SRFBP1: variants seen among roughly 807,000 people sequenced by gnomAD.
SRFBP1 encodes the protein serum response factor binding protein 1, also known as serum response factor-binding protein 1.
SRFBP1 carries 47 observed loss-of-function variants against 45.5 expected under a neutral mutation model. That is an observed-to-expected ratio of 1.03 (90% CI 0.82 to 1.32). The LOEUF is 1.32. Ranked by LOEUF, SRFBP1 falls within the 40% of genes most tolerant of loss-of-function variation. The pLI, the probability that SRFBP1 is intolerant of heterozygous loss-of-function variation, is 0.00. For synonymous variants in SRFBP1, 203 were observed against 166.3 expected, an observed-to-expected ratio of 1.22 and a Z score of -1.70; for missense variants, 621 against 484.6, an observed-to-expected ratio of 1.28 and a Z score of -2.64.
chr5:122,078,461 AG>A (rs1754707792), downstream of SRFBP1: 1 of 154,040 alleles, frequency 6.5e-6, no homozygotes. Context: ...GGGAGCGTTA[AG>A]GGGAAAGAAC....
chr5:121,965,620 G>C (rs978681753), intron 1 of SRFBP1, among the ~76,000 whole-genome samples: 1 of 152,174 alleles, frequency 6.6e-6, no homozygotes, highest in Admixed American at 6.5e-5. Context: ...AAGTCAGGTA[G>C]CATGATGCCT....
chr5:122,007,540 G>A lies in SRFBP1; in HGVS notation c.271-11720G>A, dbSNP rs954365026. Reference sequence around the variant, plus strand: ...GCCTCGGTCTGTTGGTGCCAGCCTAGAAGCTGGTGTGCAAGTGCTGTTTTA... The same window carrying A: ...GCCTCGGTCTGTTGGTGCCAGCCTAAAAGCTGGTGTGCAAGTGCTGTTTTA... On this transcript the variant is annotated intron_variant, in intron 4 of 7. Coordinates refer to ENST00000339397, the MANE Select transcript of SRFBP1 (RefSeq NM_152546.3). Among the ~76,000 whole-genome samples, 25 of 152,074 alleles carry A rather than the reference G, an allele frequency of 1.6e-4. No homozygotes were observed. In the East Asian group the frequency reaches 4.8e-3, roughly 29 times the overall value.
Position 121,974,293 on chromosome 5 carries a change from T to G in SRFBP1, c.125+9T>G, listed in dbSNP as rs1303093157. On this transcript the variant is annotated intron_variant, in intron 2 of 7. Coordinates refer to ENST00000339397, the MANE Select transcript of SRFBP1 (RefSeq NM_152546.3). ...CGACTGAAGTCAAAAAAGTTAGTCA[T>G]TTAAAGTAATGATCTTGTGACTAAT... 1 of 1,592,952 alleles carries G rather than the reference T, an allele frequency of 6.3e-7. No individual in the cohort carries two copies.
chr5:122,009,618 C>T (rs758468765), intron 4 of SRFBP1, among the ~76,000 whole-genome samples: 4 of 152,044 alleles, frequency 2.6e-5, no homozygotes, highest in East Asian at 1.9e-4. Context: ...GTAAGTTTTC[C>T]GAGTAGGGTG....
chr5:122,015,818 A>G (rs958755864), intron 4 of SRFBP1, among the ~76,000 whole-genome samples: 1 of 152,166 alleles, frequency 6.6e-6, no homozygotes, highest in East Asian at 1.9e-4. Context: ...TATGTACTGT[A>G]TTAGCTTTTT....
intron 1 of SRFBP1, among the ~76,000 whole-genome samples, chr5:121,967,342 G>T (rs185073913): frequency 2.0e-5 from 3 of 152,088 alleles, no homozygotes; most frequent in Admixed American, 2.0e-4. Flanking sequence ...GGGCATTTCC[G>T]TAAGAACCAA....
chr5:122,025,517 G>C (rs1753462104), intron 7 of SRFBP1, among the ~76,000 whole-genome samples: 1 of 152,102 alleles, frequency 6.6e-6, no homozygotes, highest in South Asian at 2.1e-4. Flanking sequence ...TCTAGTTCTA[G>C]ATCCCTGAGG....
At position 122,063,700 on chromosome 5, in the gene SRFBP1, AAC is replaced by A. The variant is rs1202215161; in HGVS notation, n.312-11611_312-11610del. 4 of 151,954 alleles carry A rather than the reference AAC, an allele frequency of 2.6e-5. No individual in the cohort carries two copies. The East Asian group carries it at 7.7e-4, about 29-fold the overall frequency. 9.4% of individuals were successfully genotyped at this position (151,954 alleles called of 1,614,324 possible). ...CAGTTAATACACTGATTCGTATCAA[AAC>A]ACATTATTTTTAAAACAAAATATCT... On this transcript the variant is annotated intron_variant and non_coding_transcript_variant, in intron 2 of 2. Coordinates refer to the SRFBP1 transcript ENST00000504881.
intron 4 of SRFBP1, 63 bp downstream of exon 4, chr5:121,994,733 T>TTC: frequency 8.9e-7 from 1 of 1,118,518 alleles, no homozygotes; most frequent in Non-Finnish European, 1.3e-6. Flanking sequence ...GCTTACTTTT[T>TTC]TCTTGAAGAG....
At chr5:122,043,209 T>C (rs957795282) in intron 2 of SRFBP1, among the ~76,000 whole-genome samples, 1 of 151,196 alleles carries the variant, frequency 6.6e-6, no homozygotes, top group African/African-American at 2.4e-5. Flanking sequence ...CACTATTTTC[T>C]TTTTTTTTCT....
intron 4 of SRFBP1, among the ~76,000 whole-genome samples, chr5:122,007,588 G>T (rs1403530097): frequency 6.6e-6 from 1 of 151,942 alleles, no homozygotes; most frequent in Non-Finnish European, 1.5e-5. Flanking sequence ...ACAAAAGCTG[G>T]CCTGTATCCT....
At chr5:122,060,008 A>G (rs1754146033) in intron 2 of SRFBP1, among the ~76,000 whole-genome samples, 1 of 152,112 alleles carries the variant, frequency 6.6e-6, no homozygotes, top group African/African-American at 2.4e-5. Context: ...ATGTTGAATA[A>G]GAAGGAACTT....
intron 2 of SRFBP1, among the ~76,000 whole-genome samples, chr5:122,068,072 C>G (rs1174600681): frequency 1.3e-5 from 2 of 149,570 alleles, no homozygotes; most frequent in African/African-American, 5.0e-5. Context: ...ATTATGATCA[C>G]TAATTATAAT....
downstream of SRFBP1, chr5:122,076,914 G>A: frequency 6.2e-7 from 1 of 1,614,016 alleles, no homozygotes; most frequent in Non-Finnish European, 8.5e-7. Context: ...GTTTTCCTCC[G>A]CCGCGCATCT....
At chr5:121,989,797 A>C (rs1407224339) in intron 3 of SRFBP1, among the ~76,000 whole-genome samples, 2 of 152,158 alleles carry the variant, frequency 1.3e-5, no homozygotes, top group Non-Finnish European at 2.9e-5. Context: ...CTCCCATTAT[A>C]AGTAAAACAG....
chr5:121,966,803 G>A (rs1440261387), intron 1 of SRFBP1, among the ~76,000 whole-genome samples: 5 of 148,220 alleles, frequency 3.4e-5, no homozygotes, highest in South Asian at 2.1e-4. Context: ...TTTTTGAGAC[G>A]GAGTCTCGCT....
chr5:122,036,071 G>A (rs1753688918), intron 2 of SRFBP1, among the ~76,000 whole-genome samples: 1 of 152,166 alleles, frequency 6.6e-6, no homozygotes, highest in Admixed American at 6.5e-5. Flanking sequence ...AGCTGGCCAG[G>A]GTTGCTCAAA....
chr5:122,073,865 C>T, intron 2 of SRFBP1: 1 of 686,866 alleles, frequency 1.5e-6, no homozygotes, highest in Non-Finnish European at 2.5e-6. Context: ...TGGGGTATAT[C>T]ATCTACAGTT....
At chr5:122,009,899 G>T (rs1179635145) in intron 4 of SRFBP1, among the ~76,000 whole-genome samples, 1 of 152,042 alleles carries the variant, frequency 6.6e-6, no homozygotes, top group East Asian at 1.9e-4. Context: ...TTAGAAGCTA[G>T]TGCCATAGTG....
Sources: gnomAD v4.1 joint callset for allele counts (sites outside exome capture counted in the v4.1 genomes callset) on GRCh38, gnomAD v4.1.1 for gene constraint, MANE v1.5 for transcripts, NCBI Gene and HGNC (gene_info 2026-07-23, HGNC 2026-07-21) for gene names.